Variants in PCDHA13 observed in about 807,000 individuals in gnomAD.
The protein encoded by PCDHA13 is protocadherin alpha-13.
In PCDHA13, 54 loss-of-function variants were observed where a neutral mutation model predicts 64.8. That is an observed-to-expected ratio of 0.83 (90% confidence interval 0.67 to 1.04). PCDHA13 has a LOEUF of 1.04. Ranked by LOEUF, PCDHA13 falls within the 50% of genes least tolerant of loss-of-function variation. The pLI is 0.00. For missense variants in PCDHA13, 1,248 were observed against 1,254.3 expected (o/e 0.99, Z 0.08); for synonymous variants, 587 against 564.4 (o/e 1.04, Z -0.57).
At chr5:140,897,009 A>G (rs550757061) in intron 1 of PCDHA13, among the ~76,000 whole-genome samples, 6 of 152,292 alleles carry the variant, frequency 3.9e-5, no homozygotes, top group African/African-American at 9.6e-5. Context: ...ATTTTTAAAT[A>G]TACAACTAAA....
In PCDHA13 at chr5:141,000,416, TATATA is replaced by T. The variant is rs1214257718; in HGVS notation, c.2543-9210_2543-9206del. On this transcript the variant is annotated intron_variant, in intron 3 of 3. Coordinates refer to ENST00000289272, the MANE Select transcript of PCDHA13 (RefSeq NM_018904.3). ...CTCTCTATATATATATATATATATA[TATATA>T]TTTTTTTTTTTTTTTTTTTTTTTGA... 2.1e-3 allele frequency among the ~76,000 whole-genome samples: 195 copies of T among 93,382 alleles called. 1 individual carries two copies. Among genetic ancestry groups the T allele is most frequent in the African/African-American group, 4.2e-3 (94 of 22,362 alleles). 61.3% of individuals were successfully genotyped at this position (93,382 alleles called of 152,430 possible). A position where few individuals can be genotyped will look rare whatever the true frequency, so the allele number is the denominator to read the frequency against.
At chr5:140,884,995 T>C (rs1168400289) in intron 1 of PCDHA13, among the ~76,000 whole-genome samples, 1 of 152,228 alleles carries the variant, frequency 6.6e-6, no homozygotes, top group African/African-American at 2.4e-5. Context: ...AAAATGTTTG[T>C]TTTAATGAGG....
At chr5:140,897,566 A>C (rs1461105293) in intron 1 of PCDHA13, among the ~76,000 whole-genome samples, 1 of 151,760 alleles carries the variant, frequency 6.6e-6, no homozygotes, top group Non-Finnish European at 1.5e-5. Flanking sequence ...TATGTGCCAC[A>C]TTTTCTTAAT....
At position 141,010,062 on chromosome 5, in the gene PCDHA13, A is replaced by G. The variant is rs1310704954; in HGVS notation, c.*125A>G. The G allele has an allele frequency of 8.1e-6, 13 of 1,602,422 alleles. No individual in the cohort carries two copies. Among genetic ancestry groups the G allele is most frequent in the African/African-American group, 2.7e-5 (2 of 74,284 alleles). On this transcript the variant is annotated 3_prime_UTR_variant, in exon 4 of 4. Transcript: ENST00000289272. Reference sequence around the variant, plus strand: ...CCTCTTAGAGACCTCAGAAATCTGCAGAAAGTTCCCTGTGTCTGTCTAGAA... The same window carrying G: ...CCTCTTAGAGACCTCAGAAATCTGCGGAAAGTTCCCTGTGTCTGTCTAGAA...
At chr5:140,937,789 G>A (rs1413517840) in intron 1 of PCDHA13, among the ~76,000 whole-genome samples, 1 of 151,816 alleles carries the variant, frequency 6.6e-6, no homozygotes, top group Non-Finnish European at 1.5e-5. Flanking sequence ...GCGGGCGTAT[G>A]TAGTCCCAGC....
At position 140,927,035 on chromosome 5, in the gene PCDHA13, C is replaced by A. The variant is rs1554203936; in HGVS notation, c.2394+42373C>A. 2 of 1,612,296 alleles carry A rather than the reference C, an allele frequency of 1.2e-6. No homozygotes were observed. The highest frequency in any genetic ancestry group is 1.7e-6 in the Non-Finnish European group (2 of 1,178,902). Reference sequence around the variant, plus strand: ...TCCGCGGACTTGAGGCTGCCAGCGGCCGCTATGTCCTCGCGGAACTTTCGC... The same window carrying A: ...TCCGCGGACTTGAGGCTGCCAGCGGACGCTATGTCCTCGCGGAACTTTCGC... On this transcript the variant is annotated intron_variant, in intron 1 of 3. Transcript: ENST00000289272.
chr5:140,952,023 C>T (rs183831358), intron 1 of PCDHA13, among the ~76,000 whole-genome samples: 2 of 152,236 alleles, frequency 1.3e-5, no homozygotes, highest in African/African-American at 2.4e-5. Flanking sequence ...CATGCAAGTC[C>T]GAAATCCAGT....
chr5:140,946,363 A>T (rs2093934761), intron 1 of PCDHA13, among the ~76,000 whole-genome samples: 1 of 151,892 alleles, frequency 6.6e-6, no homozygotes, highest in African/African-American at 2.4e-5. Flanking sequence ...AGAAAAGGGA[A>T]CTCTTGCACA....
rs1554176179 is a variant in PCDHA13, at chr5:140,882,940, C to T, written c.672C>T (p.Gly224=). The T allele has an allele frequency of 1.2e-6, 2 of 1,614,208 alleles. No homozygotes were observed. Among genetic ancestry groups the T allele is most frequent in the Admixed American group, 3.3e-5 (2 of 60,032 alleles). Residue 224 remains glycine (G), a synonymous_variant, in exon 1 of 4, where the codon GGC becomes GGT. Coordinates refer to ENST00000289272, the MANE Select transcript of PCDHA13 (RefSeq NM_018904.3). The part of the protein sequence containing the change: ...ASDGGKPELT[G]TVQLLITILD... ...ATGGAGGTAAACCCGAGCTGACTGGCACAGTTCAGCTGCTCATCACGATTC... is the reference window on the plus strand; with the variant it reads ...ATGGAGGTAAACCCGAGCTGACTGGTACAGTTCAGCTGCTCATCACGATTC...
chr5:140,887,052 G>A (rs1187906559), intron 1 of PCDHA13, among the ~76,000 whole-genome samples: 1 of 151,228 alleles, frequency 6.6e-6, no homozygotes, highest in Non-Finnish European at 1.5e-5. Flanking sequence ...TAGTGCATAT[G>A]TTCTGGCAAC....
intron 1 of PCDHA13, chr5:140,968,409 C>G: frequency 3.7e-6 from 6 of 1,614,024 alleles, no homozygotes; most frequent in South Asian, 1.1e-5. Context: ...TTCTTTGTGA[C>G]TGTGGAGGCT....
At chr5:140,890,141 C>T (rs573390664) in intron 1 of PCDHA13, among the ~76,000 whole-genome samples, 6 of 152,182 alleles carry the variant, frequency 3.9e-5, no homozygotes, top group African/African-American at 1.4e-4. Context: ...TGAAATTGGC[C>T]ATGGTAGGAG....
rs547096956 is a variant in PCDHA13, at chr5:140,967,167, T to C, written c.2395-11782T>C. 6.2e-6 allele frequency: 10 copies of C among 1,611,120 alleles called. No homozygotes were observed. In the Admixed American group the frequency reaches 8.3e-5, roughly 13 times the overall value. ...CACAACCCCGTGGCGGTGAGCGCCG[T>C]TGAGGTGGAAATATTGGACATCAAC... is the stretch of plus-strand genomic sequence containing the variant. On this transcript the variant is annotated intron_variant, in intron 1 of 3. Transcript: ENST00000289272.
chr5:140,916,723 T>C (rs1264644464), intron 1 of PCDHA13, among the ~76,000 whole-genome samples: 1 of 152,186 alleles, frequency 6.6e-6, no homozygotes, highest in Non-Finnish European at 1.5e-5. Context: ...GGAGTGACTT[T>C]TGTTGCTGCA....
intron 1 of PCDHA13, chr5:140,928,661 G>A (rs1554206119): frequency 6.2e-7 from 1 of 1,614,218 alleles, no homozygotes; most frequent in Non-Finnish European, 8.5e-7. Flanking sequence ...GATGCTGACA[G>A]TGGTTCTAAT....
rs1554181708 is a variant in PCDHA13, at chr5:140,884,544, G to C, written c.2276G>C (p.Cys759Ser). 1.9e-6 allele frequency: 3 copies of C among 1,614,222 alleles called. No individual in the cohort carries two copies. In the Admixed American group the frequency reaches 5.0e-5, roughly 27 times the overall value. Residue 759 changes from cysteine (C) to serine (S), a missense_variant, in exon 1 of 4, where the codon TGC (cysteine) becomes TCC (serine). Coordinates refer to ENST00000289272, the MANE Select transcript of PCDHA13 (RefSeq NM_018904.3). Reference sequence around the variant, plus strand: ...TCGCAGCAGAGGCGGCCGAGGGTGTGCTCTGGGGAGGGCCCGCATAAGACG... The same window carrying C: ...TCGCAGCAGAGGCGGCCGAGGGTGTCCTCTGGGGAGGGCCCGCATAAGACG... ...SYSQQRRPRVCSGEGPHKTDL... is the reference protein window; with the variant it reads ...SYSQQRRPRVSSGEGPHKTDL...
intron 2 of PCDHA13, among the ~76,000 whole-genome samples, chr5:140,980,838 A>G (rs141603230): frequency 5.3e-5 from 8 of 152,320 alleles, no homozygotes; most frequent in African/African-American, 1.4e-4. Flanking sequence ...GTGAACCTAA[A>G]TAATACTAAT....
At chr5:140,910,197 T>C (rs1318749477) in intron 1 of PCDHA13, among the ~76,000 whole-genome samples, 1 of 152,202 alleles carries the variant, frequency 6.6e-6, no homozygotes, top group African/African-American at 2.4e-5. Context: ...TAGTCTTTTG[T>C]CCACTTGACC....
At chr5:140,951,276 T>C (rs1554219829) in intron 1 of PCDHA13, among the ~76,000 whole-genome samples, 1 of 152,200 alleles carries the variant, frequency 6.6e-6, no homozygotes, top group African/African-American at 2.4e-5. Context: ...CTATGTTAGG[T>C]AATTTTGGAT....
Sources: allele counts gnomAD v4.1 joint callset (sites outside exome capture counted in the v4.1 genomes callset), GRCh38; gene constraint gnomAD v4.1.1; transcripts MANE v1.5; gene names NCBI Gene and HGNC (gene_info 2026-07-23, HGNC 2026-07-21).